ABHD2: variants seen among roughly 807,000 people sequenced by gnomAD.
ABHD2 encodes monoacylglycerol lipase ABHD2.
Under a neutral mutation model 48.1 loss-of-function variants are expected in ABHD2, and 20 were observed. The ratio of observed to expected loss-of-function variants is 0.42; its 90% CI spans 0.29 to 0.60. ABHD2 has a LOEUF of 0.60. Among genes scored for constraint, ABHD2 ranks in the 20% least tolerant of loss-of-function variants. The pLI, the probability that ABHD2 is intolerant of heterozygous loss-of-function variation, is 0.24. For synonymous variants in ABHD2, 209 were observed against 214.2 expected (o/e 0.98, Z 0.21); for missense variants, 405 against 550.9 (o/e 0.74, Z 2.65).
intron 3 of ABHD2, among the ~76,000 whole-genome samples, chr15:89,123,793 G>T (rs1298565213): frequency 1.3e-5 from 2 of 151,854 alleles, no homozygotes; most frequent in African/African-American, 4.8e-5. Flanking sequence ...TAAAGACAGG[G>T]TCTCACCTGT....
At position 89,100,390 on chromosome 15, in the gene ABHD2, A is replaced by G. The variant is rs1036567073; in HGVS notation, c.-107+11827A>G. Among the ~76,000 whole-genome samples the G allele has an allele frequency of 1.1e-4, 17 of 151,246 alleles. No homozygotes were observed. The highest frequency in any genetic ancestry group is 3.3e-4 in the Admixed American group (5 of 15,172). On this transcript the variant is annotated intron_variant, in intron 1 of 10. Transcript: ENST00000352732. This position sits in a 1 kb window ranked among gnomAD's most constrained non-coding sequence, Gnocchi z 4.4. ...AGCCTCAATCTTCTGTGCTCAAGTG[A>G]TCCTCCCACTTGCCCGAAGCCACAC...
intron 3 of ABHD2, among the ~76,000 whole-genome samples, chr15:89,132,203 CAG>C (rs771815485): frequency 2.0e-5 from 3 of 152,186 alleles, no homozygotes; most frequent in Non-Finnish European, 2.9e-5. Flanking sequence ...CAGACACACA[CAG>C]AGTTCAAATG....
At chr15:89,153,943 TATTATA>T (rs2050631972) in intron 4 of ABHD2, among the ~76,000 whole-genome samples, 1 of 152,230 alleles carries the variant, frequency 6.6e-6, no homozygotes, top group Admixed American at 6.5e-5. Flanking sequence ...AATGTGGTCA[TATTATA>T]ATTAAACCAT....
At chr15:89,178,237 C>T (rs1281792959) in intron 6 of ABHD2, among the ~76,000 whole-genome samples, 1 of 152,200 alleles carries the variant, frequency 6.6e-6, no homozygotes, top group Non-Finnish European at 1.5e-5. Context: ...CACTGTTGTC[C>T]TTGTGTGTGC....
At chr15:89,073,233 G>C in the ABHD2 span, among the ~76,000 whole-genome samples, 1 of 152,132 alleles carries the variant, frequency 6.6e-6, no homozygotes, top group South Asian at 2.1e-4. Context: ...TTTATGGGGA[G>C]CTTTAAAAAA....
chr15:89,052,185 T>A, the ABHD2 span, among the ~76,000 whole-genome samples: 2 of 152,214 alleles, frequency 1.3e-5, no homozygotes, highest in Non-Finnish European at 2.9e-5. Context: ...ATGGGAGCCC[T>A]GTGGCCCACC....
chr15:89,122,638 A>G (rs914958726), intron 3 of ABHD2, among the ~76,000 whole-genome samples: 1 of 152,208 alleles, frequency 6.6e-6, no homozygotes, highest in African/African-American at 2.4e-5. Flanking sequence ...CATATGCATA[A>G]TGGCAGTTCA....
In ABHD2 at chr15:89,120,949, G is replaced by A. The variant is rs1034112243; in HGVS notation, c.194+4428G>A. The A allele has an allele frequency of 1.3e-5, 2 of 152,148 alleles. No individual in the cohort carries two copies. Among genetic ancestry groups the A allele is most frequent in the African/African-American group, 4.8e-5 (2 of 41,424 alleles). The allele number at this position is 152,148 out of a possible 1,614,324, so 9.4% of individuals were successfully genotyped here. ...CTTATACTTGCCCCCACAAAATCAC[G>A]GTGATAGATATTGTTTAGTAACCTG... On this transcript the variant is annotated intron_variant, in intron 3 of 10. Coordinates refer to ENST00000352732, the MANE Select transcript of ABHD2 (RefSeq NM_152924.5). The surrounding 1 kb of genome is among the most constrained non-coding windows in gnomAD (Gnocchi z 4.2).
intron 3 of ABHD2, among the ~76,000 whole-genome samples, chr15:89,147,326 T>C (rs2050508547): frequency 2.0e-5 from 3 of 151,736 alleles, no homozygotes; most frequent in African/African-American, 7.3e-5. Flanking sequence ...GGGAATTATG[T>C]TTATAATTGG....
chr15:89,111,293 C>T (rs542058950), intron 1 of ABHD2, among the ~76,000 whole-genome samples: 6 of 152,252 alleles, frequency 3.9e-5, no homozygotes, highest in East Asian at 1.9e-4. Context: ...ACTCTTATAA[C>T]GCAGTGATTT....
At chr15:89,193,487 T>C (rs2150955657) in intron 10 of ABHD2, 168 bp downstream of exon 10, 2 of 633,092 alleles carry the variant, frequency 3.2e-6, no homozygotes, top group East Asian at 5.5e-5. Flanking sequence ...CGGGCTGTGA[T>C]GGGGCTTGGG....
At chr15:89,055,825 G>A in the ABHD2 span, among the ~76,000 whole-genome samples, 13 of 152,212 alleles carry the variant, frequency 8.5e-5, no homozygotes, top group Admixed American at 8.5e-4. Context: ...ATGTGGCTAA[G>A]GGAAAATGTA....
the ABHD2 span, among the ~76,000 whole-genome samples, chr15:89,074,165 A>G: frequency 9.9e-5 from 15 of 152,242 alleles, no homozygotes; most frequent in South Asian, 2.9e-3. Flanking sequence ...CCTAAGGTCA[A>G]GAGTTCAAGA....
chr15:89,187,946 G>C (rs527317187), intron 7 of ABHD2, among the ~76,000 whole-genome samples: 1 of 152,192 alleles, frequency 6.6e-6, no homozygotes, highest in African/African-American at 2.4e-5. Flanking sequence ...CTGTGCTGAA[G>C]GTTTTTTAAT....
In ABHD2 at chr15:89,167,214, T is replaced by C. The variant is rs2050851086; in HGVS notation, c.539-8598T>C. Among the ~76,000 whole-genome samples, 1 of 152,230 alleles carries C rather than the reference T, an allele frequency of 6.6e-6. No individual in the cohort carries two copies. The highest frequency in any genetic ancestry group is 1.5e-5 in the Non-Finnish European group (1 of 68,040). On this transcript the variant is annotated intron_variant, in intron 5 of 10. Coordinates refer to ENST00000352732, the MANE Select transcript of ABHD2 (RefSeq NM_152924.5). This position sits in a 1 kb window ranked among gnomAD's most constrained non-coding sequence, Gnocchi z 5.5. ...CTATTAGATCATAAACATAGGTGTT[T>C]CGATAAGCTTCTCATATCTACCATT... is the stretch of plus-strand genomic sequence containing the variant.
chr15:89,051,317 C>G, the ABHD2 span, among the ~76,000 whole-genome samples: 1 of 152,188 alleles, frequency 6.6e-6, no homozygotes, highest in African/African-American at 2.4e-5. Flanking sequence ...ATACCTCATA[C>G]TCTTCCTGGA....
At chr15:89,057,619 G>C in the ABHD2 span, among the ~76,000 whole-genome samples, 1 of 152,234 alleles carries the variant, frequency 6.6e-6, no homozygotes, top group Admixed American at 6.5e-5. Flanking sequence ...CCTGGTGCAT[G>C]GGCTCCTGAG....
chr15:89,074,857 C>T, the ABHD2 span, among the ~76,000 whole-genome samples: 1 of 152,202 alleles, frequency 6.6e-6, no homozygotes, highest in African/African-American at 2.4e-5. Flanking sequence ...CGCCATCACT[C>T]AATCTTGCTG....
In ABHD2 at chr15:89,092,173, T is replaced by A. The variant is rs982593297; in HGVS notation, c.-107+3610T>A. On this transcript the variant is annotated intron_variant, in intron 1 of 10. Coordinates refer to ENST00000352732, the MANE Select transcript of ABHD2 (RefSeq NM_152924.5). This position sits in a 1 kb window ranked among gnomAD's most constrained non-coding sequence, Gnocchi z 4.4. Reference sequence around the variant, plus strand: ...GTGGACAGACGATAAGCTCCACCATTACCCCTGAAGCTTGTGGACTGGGGC... The same window carrying A: ...GTGGACAGACGATAAGCTCCACCATAACCCCTGAAGCTTGTGGACTGGGGC... 2.0e-5 allele frequency among the ~76,000 whole-genome samples: 3 copies of A among 152,228 alleles called. No individual in the cohort carries two copies. Among genetic ancestry groups the A allele is most frequent in the African/African-American group, 7.2e-5 (3 of 41,462 alleles).
Sources: gnomAD v4.1 joint callset for allele counts (sites outside exome capture counted in the v4.1 genomes callset) on GRCh38, gnomAD v4.1.1 for gene constraint, Gnocchi (gnomAD v3.1) non-coding constraint, MANE v1.5 for transcripts, NCBI Gene and HGNC (gene_info 2026-07-23, HGNC 2026-07-21) for gene names.